Variants in EEA1 observed in about 807,000 individuals in gnomAD.
EEA1 encodes the protein early endosome antigen 1, also known as early endosome antigen 1, 162kD.
Under a neutral mutation model 209.2 loss-of-function variants are expected in EEA1, and 111 were observed. The ratio of observed to expected loss-of-function variants is 0.53; its 90% CI spans 0.45 to 0.62. The LOEUF is 0.62. Ranked by LOEUF, EEA1 falls within the 20% of genes least tolerant of loss-of-function variation. The pLI is 0.00. For synonymous variants in EEA1, 536 were observed against 540.6 expected (o/e 0.99, Z 0.12); for missense variants, 1,343 against 1,530.8 (o/e 0.88, Z 2.05).
At position 92,915,517 on chromosome 12, in the gene EEA1, C is replaced by G. The variant is rs563189818; in HGVS notation, c.24+13526G>C. The stretch of plus-strand genomic sequence containing the variant: ...AAAACAAAAAAAGCTGGAAGGTACT[C>G]AGAAATCATTTGGTCCAATTGCAGT... On this transcript the variant is annotated intron_variant, in intron 1 of 28. Coordinates refer to ENST00000322349, the MANE Select transcript of EEA1 (RefSeq NM_003566.4). Among the ~76,000 whole-genome samples the G allele has an allele frequency of 4.8e-4, 73 of 152,136 alleles. 1 individual carries two copies. The South Asian group carries it at 0.015, about 31-fold the overall frequency.
chr12:92,907,506 G>A (rs554360843), intron 1 of EEA1, among the ~76,000 whole-genome samples: 1 of 152,146 alleles, frequency 6.6e-6, no homozygotes, highest in Admixed American at 6.6e-5. Flanking sequence ...TAATTCAACT[G>A]CCCACTTAAA....
intron 2 of EEA1, among the ~76,000 whole-genome samples, chr12:92,880,676 A>G (rs1332151101): frequency 6.6e-6 from 1 of 151,904 alleles, no homozygotes; most frequent in Admixed American, 6.6e-5. Flanking sequence ...GGGGTTTCAC[A>G]GTGTTAGCCA....
rs926014995 is a variant in EEA1 at position 92,884,109 on chromosome 12, T to C, written c.117+7520A>G. 8 of 1,211,698 alleles carry C rather than the reference T, an allele frequency of 6.6e-6. No homozygotes were observed. In the African/African-American group the frequency reaches 8.9e-5, roughly 14 times the overall value. The allele number at this position is 1,211,698 out of a possible 1,614,324, so 75.1% of individuals were successfully genotyped here. A position where few individuals can be genotyped will look rare whatever the true frequency, so the allele number is the denominator to read the frequency against. Reference sequence around the variant, plus strand: ...TGAAAAAGATATTTGTTGGTGGCATTAAACAATGAAGAACAACACCTAAGA... The same window carrying C: ...TGAAAAAGATATTTGTTGGTGGCATCAAACAATGAAGAACAACACCTAAGA... On this transcript the variant is annotated intron_variant, in intron 2 of 28. Transcript: ENST00000322349.
chr12:92,839,696 AAATT>A lies in EEA1; in HGVS notation c.915+2765_915+2768del, dbSNP rs565428318. Reference sequence around the variant, plus strand: ...TTTAATGAGTTAATGTTTTTTAAATAAATTAATATTTTTAAATTACTTTTAAATT... The same window carrying A: ...TTTAATGAGTTAATGTTTTTTAAATAAATATTTTTAAATTACTTTTAAATT... On this transcript the variant is annotated intron_variant, in intron 10 of 28. Coordinates refer to ENST00000322349, the MANE Select transcript of EEA1 (RefSeq NM_003566.4). Among the ~76,000 whole-genome samples, 502 of 152,308 alleles carry A rather than the reference AAATT, an allele frequency of 3.3e-3. 6 individuals are homozygous for A. The highest frequency in any genetic ancestry group is 0.011 in the African/African-American group (470 of 41,564).
At chr12:92,828,898 A>G (rs1206374484) in intron 11 of EEA1, among the ~76,000 whole-genome samples, 1 of 152,116 alleles carries the variant, frequency 6.6e-6, no homozygotes, top group Non-Finnish European at 1.5e-5. Context: ...TCTCTAACAC[A>G]AAGATTTCCT....
At position 92,778,127 on chromosome 12, in the gene EEA1, T is replaced by C. The variant is rs1873741719; in HGVS notation, c.3707A>G (p.Glu1236Gly). 1 of 1,613,124 alleles carries C rather than the reference T, an allele frequency of 6.2e-7. No individual in the cohort carries two copies. Among genetic ancestry groups the C allele is most frequent in the Non-Finnish European group, 8.5e-7 (1 of 1,179,462 alleles). ...EVGMKKHEEN[E>G]AKLTMQITAL... ...TGTAATCTGCATGGTAAGTTTAGCCTCATTTTCTTCATGCTTCTTCATTCC... is the reference window on the plus strand; with the variant it reads ...TGTAATCTGCATGGTAAGTTTAGCCCCATTTTCTTCATGCTTCTTCATTCC... Residue 1236 changes from glutamate (E) to glycine (G), a missense_variant, in exon 26 of 29, where the codon GAG becomes GGG. Coordinates refer to ENST00000322349, the MANE Select transcript of EEA1 (RefSeq NM_003566.4).
Position 92,798,902 on chromosome 12 carries a change from A to T in EEA1, c.2957T>A (p.Val986Asp), listed in dbSNP as rs780040895. ...CAAATATATCACTACCTTCTGTAAA[A>T]CAGCAATTTTAAGCTCTCCTTGGAG... Reference protein sequence around the residue: ...EALQGELKIAVLQKTELENKL... With the variant: ...EALQGELKIADLQKTELENKL... The change falls in exon 21 of 29, where the codon GTT becomes GAT. Residue 986 changes from valine (V) to aspartate (D), a missense_variant. Coordinates refer to ENST00000322349, the MANE Select transcript of EEA1 (RefSeq NM_003566.4). 2 of 1,586,072 alleles carry T rather than the reference A, an allele frequency of 1.3e-6. No individual in the cohort carries two copies. The highest frequency in any genetic ancestry group is 3.8e-5 in the Admixed American group (2 of 52,858).
chr12:92,858,156 G>A, intron 3 of EEA1: 1 of 619,274 alleles, frequency 1.6e-6, no homozygotes, highest in South Asian at 1.7e-5. Flanking sequence ...GAGTTGGTGG[G>A]GGAAGGCCCA....
At chr12:92,799,648 G>A (rs1445018405) in intron 20 of EEA1, among the ~76,000 whole-genome samples, 5 of 152,032 alleles carry the variant, frequency 3.3e-5, no homozygotes, top group African/African-American at 4.8e-5. Flanking sequence ...TTAGCCGGGT[G>A]TGGTGGCAGG....
intron 13 of EEA1, among the ~76,000 whole-genome samples, chr12:92,820,857 A>G (rs1314708328): frequency 6.6e-6 from 1 of 151,894 alleles, no homozygotes; most frequent in Non-Finnish European, 1.5e-5. Context: ...TACAGATGCC[A>G]ATTCTCCCTC....
chr12:92,834,932 T>G (rs555874726), intron 10 of EEA1, among the ~76,000 whole-genome samples: 5 of 151,976 alleles, frequency 3.3e-5, no homozygotes, highest in Non-Finnish European at 7.4e-5. Context: ...CAGACTGGAG[T>G]GCAGTGGCGC....
intron 24 of EEA1, 61 bp downstream of exon 24, chr12:92,780,215 GTATA>G: frequency 4.8e-6 from 7 of 1,446,870 alleles, no homozygotes; most frequent in Non-Finnish European, 6.6e-6. Flanking sequence ...ATATGTATGG[GTATA>G]TATATTTCTT....
chr12:92,858,740 G>T, intron 3 of EEA1: 1 of 750,790 alleles, frequency 1.3e-6, no homozygotes, highest in South Asian at 1.3e-5. Context: ...GGTGAGATGA[G>T]GGATGCCCTA....
intron 22 of EEA1, among the ~76,000 whole-genome samples, chr12:92,786,145 T>C (rs977832634): frequency 1.6e-4 from 25 of 152,152 alleles, no homozygotes; most frequent in African/African-American, 5.6e-4. Flanking sequence ...ATCCTTGCTA[T>C]TACCAGCCCA....
chr12:92,874,172 T>G (rs1011444851), intron 2 of EEA1, among the ~76,000 whole-genome samples: 17 of 151,748 alleles, frequency 1.1e-4, no homozygotes, highest in African/African-American at 3.9e-4. Flanking sequence ...AAAAAAAAAT[T>G]TAGCCAGGCA....
intron 3 of EEA1, among the ~76,000 whole-genome samples, chr12:92,864,641 A>G (rs1878291954): frequency 6.6e-6 from 1 of 152,338 alleles, no homozygotes; most frequent in Middle Eastern, 3.4e-3. Context: ...CATTAAAAAC[A>G]TAACCTATGT....
At chr12:92,900,247 G>A (rs1037305127) in intron 1 of EEA1, among the ~76,000 whole-genome samples, 22 of 151,968 alleles carry the variant, frequency 1.4e-4, no homozygotes, top group African/African-American at 5.3e-4. Context: ...TTCTCCCCTC[G>A]ACTTATCTAA....
chr12:92,851,547 T>C (rs1293124457), intron 8 of EEA1, among the ~76,000 whole-genome samples: 4 of 152,194 alleles, frequency 2.6e-5, no homozygotes, highest in Non-Finnish European at 4.4e-5. Flanking sequence ...ACTACATCTA[T>C]TGGTCATAAC....
At chr12:92,846,020 A>G (rs1393545695) in intron 9 of EEA1, among the ~76,000 whole-genome samples, 1 of 152,228 alleles carries the variant, frequency 6.6e-6, no homozygotes, top group East Asian at 1.9e-4. Flanking sequence ...CAAAATAAGG[A>G]AAGATATTTC....
Sources: gnomAD v4.1 joint callset for allele counts (sites outside exome capture counted in the v4.1 genomes callset) on GRCh38, gnomAD v4.1.1 for gene constraint, MANE v1.5 for transcripts, NCBI Gene and HGNC (gene_info 2026-07-23, HGNC 2026-07-21) for gene names.